Variants in DNAL4 observed in about 807,000 individuals in gnomAD.
The protein encoded by DNAL4 is dynein light chain, outer arm 4.
A neutral mutation model predicts 12.6 loss-of-function variants in DNAL4; 10 were observed. That is an observed-to-expected ratio of 0.79 (90% CI 0.49 to 1.34). DNAL4 has a LOEUF of 1.34. Ranked by LOEUF, DNAL4 falls within the 40% of genes most tolerant of loss-of-function variation. The pLI is 0.00. For synonymous variants in DNAL4, 46 were observed against 53.1 expected, an observed-to-expected ratio of 0.87 and a Z score of 0.58; for missense variants, 128 against 138.1, an observed-to-expected ratio of 0.93 and a Z score of 0.37.
chr22:38,792,680 C>A (rs574330579), intron 1 of DNAL4, among the ~76,000 whole-genome samples: 2 of 152,330 alleles, frequency 1.3e-5, no homozygotes, highest in African/African-American at 2.4e-5. Context: ...CTTAGTGTCA[C>A]TATCTTCCAC....
chr22:38,783,589 CA>C (rs768611263), intron 1 of DNAL4, among the ~76,000 whole-genome samples: 7 of 152,254 alleles, frequency 4.6e-5, no homozygotes, highest in Non-Finnish European at 2.9e-5. Flanking sequence ...CCTGGCACAC[CA>C]GGCTCCCTGG....
At position 38,782,754 on chromosome 22, in the gene DNAL4, G is replaced by T; in HGVS notation, c.-23C>A. 6.2e-7 allele frequency: 1 copy of T among 1,601,330 alleles called. No homozygotes were observed. Among genetic ancestry groups the T allele is most frequent in the Non-Finnish European group, 8.5e-7 (1 of 1,175,044 alleles). On this transcript the variant is annotated 5_prime_UTR_variant, in exon 2 of 4. Coordinates refer to ENST00000216068, the MANE Select transcript of DNAL4 (RefSeq NM_005740.3). This position sits in a 1 kb window ranked among gnomAD's most constrained non-coding sequence, Gnocchi z 5.1. ...CATGATCCTTCCACTGTGACCACTG[G>T]AGGAGAGTGGGGCTTTCAGGAGGTG... is the stretch of plus-strand genomic sequence containing the variant.
Position 38,782,387 on chromosome 22 carries a change from A to G in DNAL4, c.69+276T>C, listed in dbSNP as rs2093035552. 6.6e-6 allele frequency among the ~76,000 whole-genome samples: 1 copy of G among 152,250 alleles called. No homozygotes were observed. Among genetic ancestry groups the G allele is most frequent in the African/African-American group, 2.4e-5 (1 of 41,460 alleles). On this transcript the variant is annotated intron_variant, in intron 2 of 3. Coordinates refer to ENST00000216068, the MANE Select transcript of DNAL4 (RefSeq NM_005740.3). This position sits in a 1 kb window ranked among gnomAD's most constrained non-coding sequence, Gnocchi z 5.1. ...CTGCCTACGATCATGTTCTTAAAAC[A>G]TGTATTTCATGTGGGCCAGGCCTTC...
chr22:38,786,068 G>T (rs140080827), intron 1 of DNAL4: 4 of 152,322 alleles, frequency 2.6e-5, no homozygotes, highest in African/African-American at 9.6e-5. Context: ...AAAGGCAGGA[G>T]AATTTTTTAT....
rs2093036331 is a variant in DNAL4 at position 38,782,792 on chromosome 22, G to T, written c.-61C>A. The T allele has an allele frequency of 6.6e-7, 1 of 1,507,434 alleles. No homozygotes were observed. The highest frequency in any genetic ancestry group is 9.0e-7 in the Non-Finnish European group (1 of 1,112,536). 93.4% of individuals were successfully genotyped at this position (1,507,434 alleles called of 1,614,324 possible). ...CTTTCAGGAGGTGCTGGGACTGGCA[G>T]TTAAGACACACCCAGGAGATTCAGG... On this transcript the variant is annotated 5_prime_UTR_variant, in exon 2 of 4. It adds an upstream start codon to the 5' untranslated region. Coordinates refer to ENST00000216068, the MANE Select transcript of DNAL4 (RefSeq NM_005740.3). The surrounding 1 kb of genome is among the most constrained non-coding windows in gnomAD (Gnocchi z 5.1).
At chr22:38,787,131 G>C (rs2093043524) in intron 1 of DNAL4, among the ~76,000 whole-genome samples, 1 of 152,114 alleles carries the variant, frequency 6.6e-6, no homozygotes, top group Non-Finnish European at 1.5e-5. Context: ...TGTCATGGTG[G>C]TTCTGAGTAC....
Position 38,779,688 on chromosome 22 carries a change from A to C in DNAL4, c.154-75T>G. 6.6e-7 allele frequency: 1 copy of C among 1,507,272 alleles called. No individual in the cohort carries two copies. 93.4% of individuals were successfully genotyped at this position (1,507,272 alleles called of 1,614,324 possible). ...GGAGTCAGGTCCTTCTCCAGGAAGG[A>C]GAAGGCTGGCACTGAGGTCTTGGCA... On this transcript the variant is annotated intron_variant, in intron 3 of 3. Coordinates refer to ENST00000216068, the MANE Select transcript of DNAL4 (RefSeq NM_005740.3). This position sits in a 1 kb window ranked among gnomAD's most constrained non-coding sequence, Gnocchi z 4.3.
At position 38,781,006 on chromosome 22, in the gene DNAL4, A is replaced by C; in HGVS notation, c.73T>G (p.Ser25Ala). 1 of 1,614,032 alleles carries C rather than the reference A, an allele frequency of 6.2e-7. No homozygotes were observed. Among genetic ancestry groups the C allele is most frequent in the Non-Finnish European group, 8.5e-7 (1 of 1,179,958 alleles). Residue 25 changes from serine to alanine, a missense_variant, in exon 3 of 4, where the codon TCG becomes GCG. Physicochemically the swap from Ser to Ala is moderately conservative, Grantham distance 99. Coordinates refer to ENST00000216068, the MANE Select transcript of DNAL4 (RefSeq NM_005740.3). ...RLQTFPLVRH[S>A]DMPEEMRVET... The stretch of plus-strand genomic sequence containing the variant: ...ACGCGCATCTCCTCTGGCATGTCCG[A>C]GTGCTAGAGACAGGGCAGGGGTAAC...
rs369970815 is a variant in DNAL4, at chr22:38,780,985, G to C, written c.94C>G (p.Arg32Gly). The change falls in exon 3 of 4, where the codon CGC (arginine) becomes GGC (glycine). Residue 32 changes from arginine (R) to glycine (G), a missense_variant. Transcript: ENST00000216068. ...VRHSDMPEEM[R>G]VETMELCVTA... ...ACACATAGCTCCATGGTCTCCACGC[G>C]CATCTCCTCTGGCATGTCCGAGTGC... The C allele has an allele frequency of 1.2e-6, 2 of 1,614,014 alleles. No homozygotes were observed. The highest frequency in any genetic ancestry group is 1.1e-5 in the South Asian group (1 of 91,082).
chr22:38,784,152 C>T (rs766891742), intron 1 of DNAL4, among the ~76,000 whole-genome samples: 1 of 152,222 alleles, frequency 6.6e-6, no homozygotes, highest in African/African-American at 2.4e-5. Context: ...AGCACGGTAA[C>T]TAACAGGCAG....
chr22:38,788,087 A>G (rs1253731738), intron 1 of DNAL4, among the ~76,000 whole-genome samples: 1 of 152,130 alleles, frequency 6.6e-6, no homozygotes, highest in Non-Finnish European at 1.5e-5. Context: ...TTCCCGCCAC[A>G]TTGGGGACAC....
rs142696483 is a variant in DNAL4, at chr22:38,782,422, G to T, written c.69+241C>A. ...TGTGGGCCAGGCCTTCGCCTGTCTC[G>T]TTTACCATCCCCACAGTGCCTAGAA... On this transcript the variant is annotated intron_variant, in intron 2 of 3. Transcript: ENST00000216068. The surrounding 1 kb of genome is among the most constrained non-coding windows in gnomAD (Gnocchi z 5.1). Among the ~76,000 whole-genome samples the T allele has an allele frequency of 6.6e-6, 1 of 152,236 alleles. No homozygotes were observed. Among genetic ancestry groups the T allele is most frequent in the Non-Finnish European group, 1.5e-5 (1 of 68,038 alleles).
rs1431893553 is a variant in DNAL4, at chr22:38,782,862, C to CG, written c.-132dup. The CG allele has an allele frequency of 3.8e-6, 3 of 788,628 alleles. No homozygotes were observed. The highest frequency in any genetic ancestry group is 5.9e-6 in the Non-Finnish European group (3 of 512,678). The allele number at this position is 788,628 out of a possible 1,614,324, so 48.9% of individuals were successfully genotyped here. A position where few individuals can be genotyped will look rare whatever the true frequency, so the allele number is the denominator to read the frequency against. On this transcript the variant is annotated 5_prime_UTR_variant, in exon 2 of 4. Coordinates refer to ENST00000216068, the MANE Select transcript of DNAL4 (RefSeq NM_005740.3). This position sits in a 1 kb window ranked among gnomAD's most constrained non-coding sequence, Gnocchi z 5.1. ...GGTGGGAGCAGAAAATGTCTTTCCC[C>CG]GGGGGGTGCTGCAGAAAACAGGAGA...
chr22:38,780,071 C>T (rs909018583), intron 3 of DNAL4, among the ~76,000 whole-genome samples: 7 of 152,202 alleles, frequency 4.6e-5, no homozygotes, highest in Non-Finnish European at 1.0e-4. Context: ...GACTACTCCC[C>T]TAGTCATGGC....
At chr22:38,784,399 A>G (rs1042458542) in intron 1 of DNAL4, among the ~76,000 whole-genome samples, 1 of 152,100 alleles carries the variant, frequency 6.6e-6, no homozygotes, top group African/African-American at 2.4e-5. Flanking sequence ...TCATGGGCAC[A>G]CAGGAGGCAC....
chr22:38,790,795 A>G (rs540527497), intron 1 of DNAL4, among the ~76,000 whole-genome samples: 3 of 152,308 alleles, frequency 2.0e-5, no homozygotes, highest in Non-Finnish European at 2.9e-5. Flanking sequence ...CTCCAAGGCT[A>G]CAAACTTGTA....
chr22:38,786,548 G>T (rs1042496474), intron 1 of DNAL4, among the ~76,000 whole-genome samples: 7 of 152,122 alleles, frequency 4.6e-5, no homozygotes. Flanking sequence ...GAAGAAGTGA[G>T]ACTCAGTCTC....
chr22:38,783,171 G>A lies in DNAL4; in HGVS notation c.-139-301C>T, dbSNP rs188755838. ...CAGTGAGCAAATGCAGTTTCCCCGC[G>A]TACCCACTACATACACGGTCCTTCC... On this transcript the variant is annotated intron_variant, in intron 1 of 3. Transcript: ENST00000216068. Among the ~76,000 whole-genome samples the A allele has an allele frequency of 3.3e-5, 5 of 151,902 alleles. No individual in the cohort carries two copies. The South Asian group carries it at 6.2e-4, about 19-fold the overall frequency.
At chr22:38,787,444 G>A (rs953053095) in intron 1 of DNAL4, among the ~76,000 whole-genome samples, 3 of 151,930 alleles carry the variant, frequency 2.0e-5, no homozygotes, top group Admixed American at 6.6e-5. Flanking sequence ...GTTTCACCAT[G>A]TTGGCCAGGC....
Sources: gnomAD v4.1 joint callset for allele counts (sites outside exome capture counted in the v4.1 genomes callset) on GRCh38, gnomAD v4.1.1 for gene constraint, Gnocchi (gnomAD v3.1) non-coding constraint, MANE v1.5 for transcripts, NCBI Gene and HGNC (gene_info 2026-07-23, HGNC 2026-07-21) for gene names.